DARS1: variants seen among roughly 807,000 people sequenced by gnomAD.
DARS1 encodes the protein aspartyl-tRNA synthetase 1.
In DARS1, 51 loss-of-function variants were observed where a neutral mutation model predicts 68.8. That is an observed-to-expected ratio of 0.74 (90% CI 0.59 to 0.94). The LOEUF (loss-of-function observed/expected upper bound fraction) is 0.94. DARS1 is among the 40% of genes least tolerant of loss of function. The pLI is 0.00. For synonymous variants in DARS1, 203 were observed against 190.4 expected (o/e 1.07, Z -0.55); for missense variants, 607 against 597.3 (o/e 1.02, Z -0.17).
chr2:135,911,400 C>T lies in DARS1; in HGVS notation c.1324G>A (p.Ala442Thr), dbSNP rs1271598989. The part of the protein sequence containing the change: ...IHDPQLLTER[A>T]LHHGIDLEKI... ...TGTTTACCAATTCCATGATGTAAAG[C>T]TCTCTCTGTTAGCAGTTGAGGATCA... The change falls in exon 14 of 16, where the codon GCT (alanine) becomes ACT (threonine). Residue 442 changes from alanine (A) to threonine (T), a missense_variant. Transcript: ENST00000264161. The T allele has an allele frequency of 1.0e-6, 1 of 974,856 alleles. No homozygotes were observed. The highest frequency in any genetic ancestry group is 1.7e-6 in the Non-Finnish European group (1 of 596,132). 60.4% of individuals were successfully genotyped at this position (974,856 alleles called of 1,614,324 possible).
At chr2:135,942,261 C>T (rs1681618877) in intron 5 of DARS1, among the ~76,000 whole-genome samples, 1 of 152,054 alleles carries the variant, frequency 6.6e-6, no homozygotes, top group Non-Finnish European at 1.5e-5. Context: ...ACCCAAATGT[C>T]CATCAATGAT....
At chr2:135,984,809 T>C (rs1682733574) in intron 1 of DARS1, among the ~76,000 whole-genome samples, 1 of 152,098 alleles carries the variant, frequency 6.6e-6, no homozygotes. Context: ...TCACTGGGTG[T>C]TATGAATTAT....
intron 3 of DARS1, among the ~76,000 whole-genome samples, chr2:135,966,168 A>ATT (rs60485095): frequency 8.5e-5 from 12 of 141,652 alleles, no homozygotes; most frequent in Non-Finnish European, 9.3e-5. Context: ...CTGTAAATGT[A>ATT]TTTTTTTTTT....
chr2:135,947,893 T>C (rs1437851734), intron 4 of DARS1, among the ~76,000 whole-genome samples: 4 of 152,006 alleles, frequency 2.6e-5, no homozygotes, highest in Admixed American at 2.0e-4. Context: ...TTCCCAAATG[T>C]CCAGGAATCA....
At chr2:135,942,078 T>C (rs902723915) in intron 5 of DARS1, among the ~76,000 whole-genome samples, 29 of 152,272 alleles carry the variant, frequency 1.9e-4, no homozygotes, top group Admixed American at 1.4e-3. Context: ...AGTTCAACCA[T>C]TGTGGAAGTC....
At chr2:135,937,931 CTTCAT>C (rs961779764) in intron 5 of DARS1, among the ~76,000 whole-genome samples, 6 of 152,186 alleles carry the variant, frequency 3.9e-5, no homozygotes, top group Non-Finnish European at 8.8e-5. Flanking sequence ...ACATTTTTTC[CTTCAT>C]TTCAACTTTG....
At chr2:135,934,674 G>C (rs1433700323) in intron 5 of DARS1, among the ~76,000 whole-genome samples, 1 of 151,968 alleles carries the variant, frequency 6.6e-6, no homozygotes, top group Non-Finnish European at 1.5e-5. Flanking sequence ...GCTATTGTTA[G>C]GGAAATCACT....
chr2:135,968,824 G>A (rs1283840942), intron 3 of DARS1, among the ~76,000 whole-genome samples: 1 of 152,002 alleles, frequency 6.6e-6, no homozygotes, highest in African/African-American at 2.4e-5. Context: ...ATGATGCCCG[G>A]CTATTTTTTG....
chr2:135,976,953 G>C (rs1682515015), intron 3 of DARS1, among the ~76,000 whole-genome samples: 1 of 152,100 alleles, frequency 6.6e-6, no homozygotes, highest in South Asian at 2.1e-4. Flanking sequence ...AGAAGACAAT[G>C]CTCTATTATA....
upstream of DARS1, chr2:135,985,641 C>G (rs1682773467): frequency 1.4e-6 from 2 of 1,431,852 alleles, no homozygotes; most frequent in East Asian, 2.6e-5. Context: ...AGAGCTGCGG[C>G]TATCTCGAGA....
chr2:135,967,609 T>C (rs1379330806), intron 3 of DARS1, among the ~76,000 whole-genome samples: 1 of 152,218 alleles, frequency 6.6e-6, no homozygotes, highest in African/African-American at 2.4e-5. Context: ...TTTTAAAAAA[T>C]GTCTGAAACA....
rs79811988 is a variant in DARS1, at chr2:135,953,751, G to T, written c.320+7645C>A. ...TAACAATAGGGTGATTCCTTAGAAG[G>T]CAGCTACTGCTTTATAGTGGAAGAG... On this transcript the variant is annotated intron_variant, in intron 4 of 15. Coordinates refer to ENST00000264161, the MANE Select transcript of DARS1 (RefSeq NM_001349.4). Among the ~76,000 whole-genome samples the T allele has an allele frequency of 7.5e-3, 1,145 of 152,130 alleles. 11 individuals carry two copies. Among genetic ancestry groups the T allele is most frequent in the African/African-American group, 0.026 (1,079 of 41,488 alleles).
chr2:135,922,669 A>C, intron 9 of DARS1, 115 bp downstream of exon 9: 2 of 1,305,976 alleles, frequency 1.5e-6, no homozygotes, highest in Non-Finnish European at 1.9e-6. Context: ...TAGTCAGCAG[A>C]TAAAATAATT....
At chr2:135,970,619 A>G (rs1233953268) in intron 3 of DARS1, among the ~76,000 whole-genome samples, 1 of 152,098 alleles carries the variant, frequency 6.6e-6, no homozygotes, top group East Asian at 1.9e-4. Flanking sequence ...GAGCAGAAAT[A>G]AATGAATTTG....
At chr2:135,980,780 C>T (rs1682612519) in intron 2 of DARS1, among the ~76,000 whole-genome samples, 1 of 152,174 alleles carries the variant, frequency 6.6e-6, no homozygotes, top group African/African-American at 2.4e-5. Context: ...CCACACAAAA[C>T]AGAAAAGCAG....
At chr2:135,984,904 G>A (rs990539756) in intron 1 of DARS1, among the ~76,000 whole-genome samples, 3 of 152,176 alleles carry the variant, frequency 2.0e-5, no homozygotes, top group Admixed American at 6.5e-5. Context: ...GAGGGAGAAA[G>A]TAAATAAAAA....
intron 3 of DARS1, among the ~76,000 whole-genome samples, chr2:135,973,252 T>C (rs986569590): frequency 3.3e-5 from 5 of 152,144 alleles, no homozygotes; most frequent in Admixed American, 6.5e-5. Flanking sequence ...TAAAAAAGAA[T>C]GAGATCCTAT....
chr2:135,920,638 A>C (rs1248607933), intron 9 of DARS1, 38 bp from the exon 10 acceptor site: 1 of 1,521,692 alleles, frequency 6.6e-7, no homozygotes, highest in African/African-American at 1.4e-5. Context: ...GCAAACACTG[A>C]TTTCAATTTT....
At chr2:135,967,889 C>T (rs75524146) in intron 3 of DARS1, among the ~76,000 whole-genome samples, 24,530 of 152,038 alleles carry the variant, frequency 0.16, 2,285 homozygotes, top group Middle Eastern at 0.39. Flanking sequence ...TATGATTTTT[C>T]GTACATAAGA....
Sources: allele counts gnomAD v4.1 joint callset (sites outside exome capture counted in the v4.1 genomes callset), GRCh38; gene constraint gnomAD v4.1.1; transcripts MANE v1.5; gene names NCBI Gene and HGNC (gene_info 2026-07-23, HGNC 2026-07-21).